KCNMA1: variants seen among roughly 807,000 people sequenced by gnomAD.
KCNMA1 encodes potassium calcium-activated channel subfamily M alpha 1, also known as Calcium-activated potassium channel subunit alpha-1.
KCNMA1 carries 29 observed loss-of-function variants against 140.0 expected under a neutral mutation model. The observed-to-expected ratio is 0.21, with a 90% CI of 0.15 to 0.28. KCNMA1 has a LOEUF of 0.28. Among genes scored for constraint, KCNMA1 ranks in the 10% least tolerant of loss-of-function variants. KCNMA1 has a pLI of 1.00. For synonymous variants in KCNMA1, 612 were observed against 611.9 expected (o/e 1.00, Z 0.00); for missense variants, 880 against 1,602.2 (o/e 0.55, Z 7.70).
chr10:76,971,817 C>A (rs1420630400), intron 19 of KCNMA1, among the ~76,000 whole-genome samples: 3 of 152,090 alleles, frequency 2.0e-5, no homozygotes, highest in Admixed American at 2.0e-4. Context: ...AAATACAAGC[C>A]ACATAAATGG....
At chr10:77,418,424 C>T (rs903567164) in intron 1 of KCNMA1, among the ~76,000 whole-genome samples, 1 of 152,176 alleles carries the variant, frequency 6.6e-6, no homozygotes, top group East Asian at 1.9e-4. Flanking sequence ...TCTACCCCAG[C>T]TTGTCAGTGG....
At chr10:77,498,044 A>G (rs952029607) in intron 1 of KCNMA1, among the ~76,000 whole-genome samples, 1 of 152,222 alleles carries the variant, frequency 6.6e-6, no homozygotes, top group African/African-American at 2.4e-5. Flanking sequence ...CAGCTCAGCA[A>G]ACTAGGAACA....
chr10:76,877,898 A>G (rs2151424959), intron 29 of KCNMA1: 2 of 1,607,728 alleles, frequency 1.2e-6, no homozygotes, highest in East Asian at 4.5e-5. Flanking sequence ...TTTCTGCTAA[A>G]GGGCAAAATG....
chr10:77,278,089 A>T (rs1359236479), intron 2 of KCNMA1, among the ~76,000 whole-genome samples: 1 of 152,216 alleles, frequency 6.6e-6, no homozygotes, highest in Non-Finnish European at 1.5e-5. Flanking sequence ...GACCTTTGTG[A>T]CAATCTGTGT....
At chr10:77,300,784 A>G (rs1229407851) in intron 2 of KCNMA1, among the ~76,000 whole-genome samples, 1 of 152,148 alleles carries the variant, frequency 6.6e-6, no homozygotes, top group Admixed American at 6.5e-5. Flanking sequence ...CCAAGCCACC[A>G]TCTCCTTTCT....
chr10:77,540,822 G>A (rs1043992947), intron 1 of KCNMA1, among the ~76,000 whole-genome samples: 3 of 152,074 alleles, frequency 2.0e-5, no homozygotes, highest in East Asian at 1.9e-4. Flanking sequence ...TCAACAGGGC[G>A]AAACCCCAAC....
intron 18 of KCNMA1, among the ~76,000 whole-genome samples, chr10:77,003,472 T>C (rs1385184663): frequency 6.6e-6 from 1 of 152,230 alleles, no homozygotes; most frequent in Non-Finnish European, 1.5e-5. Context: ...TTATCTTAAA[T>C]GCATCCGGAT....
At chr10:77,629,093 G>C (rs897653927) in intron 1 of KCNMA1, among the ~76,000 whole-genome samples, 2 of 152,314 alleles carry the variant, frequency 1.3e-5, no homozygotes, top group South Asian at 4.1e-4. Context: ...CAGGTAACAA[G>C]ATCTTACAGG....
intron 3 of KCNMA1, among the ~76,000 whole-genome samples, chr10:77,221,402 T>C (rs188558586): frequency 2.3e-4 from 35 of 152,240 alleles, no homozygotes; most frequent in Middle Eastern, 3.4e-3. Context: ...TAGCTGAAAT[T>C]ATATGCAAAA....
intron 1 of KCNMA1, among the ~76,000 whole-genome samples, chr10:77,629,750 T>G (rs970016725): frequency 6.6e-6 from 1 of 152,190 alleles, no homozygotes; most frequent in African/African-American, 2.4e-5. Context: ...AGCACCTAGC[T>G]TGGTTTCTGG....
At chr10:77,120,756 C>T (rs2097576488) in intron 6 of KCNMA1, among the ~76,000 whole-genome samples, 1 of 152,152 alleles carries the variant, frequency 6.6e-6, no homozygotes, top group Non-Finnish European at 1.5e-5. Flanking sequence ...CCTGCATGCA[C>T]AGCTATTTCT....
chr10:77,410,201 T>C (rs2096588052), intron 1 of KCNMA1, among the ~76,000 whole-genome samples: 1 of 152,166 alleles, frequency 6.6e-6, no homozygotes, highest in Non-Finnish European at 1.5e-5. Context: ...AATTGCCAAG[T>C]CTCAGCAGGT....
At chr10:77,134,384 CAAACAGCT>C (rs1366666153) in intron 5 of KCNMA1, among the ~76,000 whole-genome samples, 1 of 116,940 alleles carries the variant, frequency 8.6e-6, no homozygotes, top group Admixed American at 1.1e-4. Context: ...AGGCAAAAAT[CAAACAGCT>C]ACATCATGAA....
chr10:77,392,631 G>A (rs1049184771), intron 2 of KCNMA1, among the ~76,000 whole-genome samples: 9 of 152,228 alleles, frequency 5.9e-5, no homozygotes, highest in Admixed American at 2.6e-4. Flanking sequence ...CCCCGAGCAG[G>A]TGCTCCAGAA....
intron 15 of KCNMA1, 141 bp from the exon 16 acceptor site, chr10:77,028,032 G>A: frequency 1.3e-6 from 1 of 773,714 alleles, no homozygotes; most frequent in Non-Finnish European, 2.2e-6. Flanking sequence ...GCCAAAGGGA[G>A]GGGGTGGAAG....
chr10:77,353,429 AATT>A (rs1408292811), intron 2 of KCNMA1, among the ~76,000 whole-genome samples: 1 of 152,108 alleles, frequency 6.6e-6, no homozygotes, highest in African/African-American at 2.4e-5. Context: ...TCAACATAAT[AATT>A]ATTAATAATA....
intron 3 of KCNMA1, among the ~76,000 whole-genome samples, chr10:77,238,057 T>G (rs992809991): frequency 1.3e-5 from 2 of 152,146 alleles, no homozygotes; most frequent in Non-Finnish European, 1.5e-5. Flanking sequence ...TCGGCTGGCT[T>G]GGAGGCAGGT....
At chr10:77,620,195 C>T (rs1217746130) in intron 1 of KCNMA1, among the ~76,000 whole-genome samples, 5 of 152,152 alleles carry the variant, frequency 3.3e-5, no homozygotes, top group Admixed American at 1.3e-4. Flanking sequence ...CCAGAACCAG[C>T]GGCAGAAAGG....
intron 9 of KCNMA1, among the ~76,000 whole-genome samples, chr10:77,105,098 A>G (rs1465754410): frequency 6.6e-6 from 1 of 152,160 alleles, no homozygotes; most frequent in Non-Finnish European, 1.5e-5. Context: ...CCAAACCCCT[A>G]TTCTTAGATG....
Sources: allele counts gnomAD v4.1 joint callset (sites outside exome capture counted in the v4.1 genomes callset), GRCh38; gene constraint gnomAD v4.1.1; transcripts MANE v1.5; gene names NCBI Gene and HGNC (gene_info 2026-07-23, HGNC 2026-07-21).